Variants in LRRTM4 observed in about 807,000 individuals in gnomAD.
LRRTM4 encodes the protein leucine-rich repeat transmembrane neuronal protein 4.
LRRTM4 carries 25 observed loss-of-function variants against 47.6 expected under a neutral mutation model. That is an observed-to-expected ratio of 0.53 (90% CI 0.38 to 0.73). LRRTM4 has a LOEUF of 0.73. LRRTM4 is among the 30% of genes least tolerant of loss of function. The probability of loss-of-function intolerance (pLI) is 0.00; values close to 1 mark genes in which losing one functional copy is unlikely to be tolerated. For missense variants in LRRTM4, 638 were observed against 713.4 expected (o/e 0.89, Z 1.20); for synonymous variants, 311 against 269.5 (o/e 1.15, Z -1.51).
At chr2:77,062,540 A>C (rs1204794896) in intron 3 of LRRTM4, among the ~76,000 whole-genome samples, 1 of 152,084 alleles carries the variant, frequency 6.6e-6, no homozygotes, top group Non-Finnish European at 1.5e-5. Context: ...AACTCCACAA[A>C]CCCTTATCTG....
chr2:77,191,958 A>G (rs1673681531), intron 3 of LRRTM4, among the ~76,000 whole-genome samples: 1 of 152,092 alleles, frequency 6.6e-6, no homozygotes, highest in South Asian at 2.1e-4. Context: ...CGGTACATTT[A>G]AACACTGAAA....
intron 3 of LRRTM4, among the ~76,000 whole-genome samples, chr2:76,854,732 TAACTA>T (rs762887824): frequency 2.6e-5 from 4 of 152,080 alleles, no homozygotes; most frequent in East Asian, 3.8e-4. Context: ...TAAAAATACT[TAACTA>T]AACATCTACT....
intron 3 of LRRTM4, among the ~76,000 whole-genome samples, chr2:77,418,708 T>A (rs1674744303): frequency 6.6e-6 from 1 of 152,188 alleles, no homozygotes; most frequent in Non-Finnish European, 1.5e-5. Flanking sequence ...CACTCCTGCC[T>A]AAATATTTGA....
intron 3 of LRRTM4, among the ~76,000 whole-genome samples, chr2:76,785,055 A>G (rs1236555053): frequency 6.6e-6 from 1 of 152,108 alleles, no homozygotes; most frequent in Non-Finnish European, 1.5e-5. Flanking sequence ...CTGTATGAAC[A>G]TTGAATCTAG....
At chr2:77,062,133 C>A (rs529286826) in intron 3 of LRRTM4, among the ~76,000 whole-genome samples, 68 of 152,178 alleles carry the variant, frequency 4.5e-4, no homozygotes, top group African/African-American at 1.6e-3. Context: ...TGGGAAAGAT[C>A]CACTTTTTCT....
At chr2:76,793,380 A>G (rs532365424) in intron 3 of LRRTM4, among the ~76,000 whole-genome samples, 2 of 152,300 alleles carry the variant, frequency 1.3e-5, no homozygotes, top group South Asian at 4.1e-4. Context: ...AAATCCTAAA[A>G]TATTCACTCT....
Position 76,983,477 on chromosome 2 carries a change from T to C in LRRTM4, c.1552-234561A>G, listed in dbSNP as rs569308792. ...GATGGTTTTATAAATGGGAGTTCCCTGCACGAGCTCTCTTGCCTGTCACCA... is the reference window on the plus strand; with the variant it reads ...GATGGTTTTATAAATGGGAGTTCCCCGCACGAGCTCTCTTGCCTGTCACCA... On this transcript the variant is annotated intron_variant, in intron 3 of 3. Coordinates refer to ENST00000409884, the MANE Select transcript of LRRTM4 (RefSeq NM_001134745.3). Among the ~76,000 whole-genome samples, 6 of 152,128 alleles carry C rather than the reference T, an allele frequency of 3.9e-5. No homozygotes were observed. The South Asian group carries it at 1.2e-3, about 32-fold the overall frequency.
intron 3 of LRRTM4, among the ~76,000 whole-genome samples, chr2:77,363,446 CAAT>C (rs1008159332): frequency 6.6e-5 from 10 of 152,158 alleles, no homozygotes; most frequent in African/African-American, 2.4e-4. Flanking sequence ...CTAATGACAA[CAAT>C]GAGATGGAAA....
At chr2:77,308,202 T>C (rs1159863400) in intron 3 of LRRTM4, among the ~76,000 whole-genome samples, 1 of 150,140 alleles carries the variant, frequency 6.7e-6, no homozygotes, top group Non-Finnish European at 1.5e-5. Flanking sequence ...ACAATAATAA[T>C]AAAATATTTG....
At chr2:77,362,794 T>C (rs1274735283) in intron 3 of LRRTM4, among the ~76,000 whole-genome samples, 1 of 152,176 alleles carries the variant, frequency 6.6e-6, no homozygotes, top group Admixed American at 6.5e-5. Context: ...TTTTTAAGTA[T>C]CTGATTTACA....
chr2:77,093,348 A>G (rs182252704), intron 3 of LRRTM4, among the ~76,000 whole-genome samples: 10,038 of 149,214 alleles, frequency 0.067, 872 homozygotes, highest in African/African-American at 0.19. Flanking sequence ...CAATTCTTAG[A>G]CCTTTTATAC....
At chr2:76,755,402 C>T (rs538391498) in intron 3 of LRRTM4, among the ~76,000 whole-genome samples, 17 of 152,138 alleles carry the variant, frequency 1.1e-4, no homozygotes, top group Non-Finnish European at 2.5e-4. Context: ...GAGTCCTGAT[C>T]TGTGATTACT....
At chr2:76,986,013 G>C (rs920450520) in intron 3 of LRRTM4, 3 of 151,910 alleles carry the variant, frequency 2.0e-5, no homozygotes, top group South Asian at 2.1e-4. Flanking sequence ...TAGAGTTCTC[G>C]ACCTTCCATT....
At chr2:77,375,996 T>A (rs1672826228) in intron 3 of LRRTM4, among the ~76,000 whole-genome samples, 1 of 151,932 alleles carries the variant, frequency 6.6e-6, no homozygotes, top group South Asian at 2.1e-4. Context: ...ACAAATAGAA[T>A]CATGCAGTAC....
chr2:77,434,926 G>A (rs1428404035), intron 3 of LRRTM4, among the ~76,000 whole-genome samples: 5 of 152,016 alleles, frequency 3.3e-5, no homozygotes, highest in Non-Finnish European at 5.9e-5. Context: ...ATTGAAGGTT[G>A]TGTTTCCACC....
At chr2:76,782,387 G>A (rs1357990187) in intron 3 of LRRTM4, among the ~76,000 whole-genome samples, 2 of 152,136 alleles carry the variant, frequency 1.3e-5, no homozygotes, top group Non-Finnish European at 2.9e-5. Flanking sequence ...AGAAGTTCCA[G>A]TATAACTAGT....
intron 3 of LRRTM4, among the ~76,000 whole-genome samples, chr2:76,991,868 T>A (rs141618689): frequency 1.3e-5 from 2 of 151,722 alleles, no homozygotes; most frequent in African/African-American, 2.4e-5. Flanking sequence ...CTGATGAACA[T>A]AGATGCAAAA....
rs1679242808 is a variant in LRRTM4 at position 77,517,188 on chromosome 2, G to C, written c.1551+1130C>G. On this transcript the variant is annotated intron_variant, in intron 3 of 3. Coordinates refer to ENST00000409884, the MANE Select transcript of LRRTM4 (RefSeq NM_001134745.3). ...ACAAGTTTGAAATTTGTGACTATTT[G>C]TCTGCTCACTAACATGATCCTGTAA... 3 of 984,804 alleles carry C rather than the reference G, an allele frequency of 3.0e-6. No individual in the cohort carries two copies. The South Asian group carries it at 1.4e-4, about 46-fold the overall frequency. 61.0% of individuals were successfully genotyped at this position (984,804 alleles called of 1,614,324 possible).
intron 3 of LRRTM4, among the ~76,000 whole-genome samples, chr2:77,493,725 A>T (rs1215283054): frequency 6.6e-6 from 1 of 152,150 alleles, no homozygotes; most frequent in African/African-American, 2.4e-5. Context: ...TGTAAGGATG[A>T]CATCAACGAA....
Sources: allele counts gnomAD v4.1 joint callset (sites outside exome capture counted in the v4.1 genomes callset), GRCh38; gene constraint gnomAD v4.1.1; transcripts MANE v1.5; gene names NCBI Gene and HGNC (gene_info 2026-07-23, HGNC 2026-07-21).